Variants in MGMT observed in about 807,000 individuals in gnomAD.
MGMT encodes methylated-DNA--protein-cysteine methyltransferase.
A neutral mutation model predicts 15.9 loss-of-function variants in MGMT; 14 were observed. That is an observed-to-expected ratio of 0.88 (90% CI 0.58 to 1.37). MGMT has a LOEUF of 1.37. MGMT is among the 40% of genes most tolerant of loss of function. The pLI is 0.00. For missense variants in MGMT, 282 were observed against 268.1 expected (o/e 1.05, Z -0.36); for synonymous variants, 130 against 118.2 (o/e 1.10, Z -0.65).
rs1847566016 is a variant in MGMT, at chr10:129,659,122, C to T, written c.126-48773C>T. ...CTGTAATCCCAACACTTTGGGAGGC[C>T]GAGGCAGGTGGATTACCTAAGGTCA... On this transcript the variant is annotated intron_variant, in intron 2 of 4. Transcript: ENST00000651593. This position sits in a 1 kb window ranked among gnomAD's most constrained non-coding sequence, Gnocchi z 4.1. Among the ~76,000 whole-genome samples the T allele has an allele frequency of 6.6e-6, 1 of 152,076 alleles. No homozygotes were observed. The highest frequency in any genetic ancestry group is 2.4e-5 in the African/African-American group (1 of 41,388).
chr10:129,503,191 G>C (rs945393390), intron 1 of MGMT, among the ~76,000 whole-genome samples: 1 of 151,894 alleles, frequency 6.6e-6, no homozygotes, highest in Non-Finnish European at 1.5e-5. Flanking sequence ...GGATGATGCA[G>C]GAAAGTTTCT....
chr10:129,608,563 C>T (rs998072564), intron 2 of MGMT, among the ~76,000 whole-genome samples: 4 of 152,192 alleles, frequency 2.6e-5, no homozygotes, highest in Admixed American at 6.5e-5. Context: ...TTTTATCTTA[C>T]GCTTAAAAAG....
intron 2 of MGMT, among the ~76,000 whole-genome samples, chr10:129,571,502 A>G (rs1846419303): frequency 6.6e-6 from 1 of 152,188 alleles, no homozygotes; most frequent in African/African-American, 2.4e-5. Context: ...TTCCTGTAGT[A>G]CATAAGACGG....
intron 2 of MGMT, among the ~76,000 whole-genome samples, chr10:129,573,509 AT>A (rs899202692): frequency 2.9e-4 from 43 of 148,756 alleles, no homozygotes; most frequent in East Asian, 2.4e-3. Context: ...TAACCTTAAG[AT>A]TTTTTTTTTG....
At chr10:129,703,260 A>C (rs1848120234) in intron 2 of MGMT, among the ~76,000 whole-genome samples, 1 of 152,234 alleles carries the variant, frequency 6.6e-6, no homozygotes, top group Admixed American at 6.5e-5. Flanking sequence ...TACTACTATA[A>C]AAATTCTTCA....
chr10:129,564,783 G>A (rs118129217), intron 2 of MGMT, among the ~76,000 whole-genome samples: 5,312 of 146,688 alleles, frequency 0.036, 143 homozygotes, highest in South Asian at 0.071. Context: ...TTCCTCACAC[G>A]CCCCCCTCAG....
chr10:129,582,519 T>C (rs903713602), intron 2 of MGMT, among the ~76,000 whole-genome samples: 4 of 152,236 alleles, frequency 2.6e-5, no homozygotes, highest in Non-Finnish European at 4.4e-5. Flanking sequence ...CTTCCCGATA[T>C]TTAGATTTTA....
At chr10:129,525,605 A>G (rs1342438995) in intron 1 of MGMT, among the ~76,000 whole-genome samples, 2 of 152,112 alleles carry the variant, frequency 1.3e-5, no homozygotes, top group Non-Finnish European at 2.9e-5. Context: ...AGCATCATTA[A>G]TCAGAAAGGT....
At chr10:129,598,369 G>A (rs1846777467) in intron 2 of MGMT, among the ~76,000 whole-genome samples, 1 of 152,136 alleles carries the variant, frequency 6.6e-6, no homozygotes, top group African/African-American at 2.4e-5. Flanking sequence ...GGATGATAGT[G>A]CCAATCTCTT....
chr10:129,764,957 G>A (rs1404136395), intron 4 of MGMT, among the ~76,000 whole-genome samples: 1 of 152,146 alleles, frequency 6.6e-6, no homozygotes, highest in Non-Finnish European at 1.5e-5. Context: ...GTAAGCGATC[G>A]TTAGGCATCT....
intron 2 of MGMT, among the ~76,000 whole-genome samples, chr10:129,576,749 CCT>C (rs1243322014): frequency 6.6e-6 from 1 of 152,150 alleles, no homozygotes; most frequent in African/African-American, 2.4e-5. Flanking sequence ...TCAAATTGTC[CCT>C]GTTTGCAGAT....
At chr10:129,646,776 C>T in intron 2 of MGMT, among the ~76,000 whole-genome samples, 2 of 101,534 alleles carry the variant, frequency 2.0e-5, no homozygotes, top group African/African-American at 3.6e-5. Flanking sequence ...TGGTAGAGAA[C>T]AGTGGAGAAG....
intron 2 of MGMT, among the ~76,000 whole-genome samples, chr10:129,657,703 A>ACGCACG (rs1554874799): frequency 4.0e-5 from 5 of 124,512 alleles, no homozygotes; most frequent in Admixed American, 1.5e-4. Flanking sequence ...ACACACACAC[A>ACGCACG]CACGCACACA....
intron 1 of MGMT, among the ~76,000 whole-genome samples, chr10:129,473,507 A>G (rs1226632226): frequency 2.0e-5 from 3 of 152,208 alleles, no homozygotes; most frequent in Non-Finnish European, 4.4e-5. Flanking sequence ...TGACTTGCAC[A>G]GGTCTCCTGG....
chr10:129,503,553 T>C (rs938073367), intron 1 of MGMT, among the ~76,000 whole-genome samples: 2 of 152,258 alleles, frequency 1.3e-5, no homozygotes, highest in Non-Finnish European at 2.9e-5. Context: ...GTTATTGCTT[T>C]AATGTGATAC....
chr10:129,515,018 C>A (rs1387766543), intron 1 of MGMT, among the ~76,000 whole-genome samples: 1 of 152,230 alleles, frequency 6.6e-6, no homozygotes, highest in Non-Finnish European at 1.5e-5. Context: ...GGACTCTAAC[C>A]AGTACCCAGC....
At chr10:129,651,743 T>C (rs1847460858) in intron 2 of MGMT, among the ~76,000 whole-genome samples, 1 of 152,138 alleles carries the variant, frequency 6.6e-6, no homozygotes, top group Non-Finnish European at 1.5e-5. Context: ...TCGTATTTGG[T>C]TTGATTAAAG....
chr10:129,669,584 TA>T (rs111426172), intron 2 of MGMT, among the ~76,000 whole-genome samples: 20,873 of 152,168 alleles, frequency 0.14, 1,718 homozygotes, highest in African/African-American at 0.21. Flanking sequence ...CACTGCAGAT[TA>T]ATAATTTCCA....
At chr10:129,720,797 T>C (rs1437878017) in intron 3 of MGMT, among the ~76,000 whole-genome samples, 1 of 152,212 alleles carries the variant, frequency 6.6e-6, no homozygotes, top group African/African-American at 2.4e-5. Flanking sequence ...TTTCAGAGTT[T>C]TGTTTAATGT....
Sources: gnomAD v4.1 joint callset for allele counts (sites outside exome capture counted in the v4.1 genomes callset) on GRCh38, gnomAD v4.1.1 for gene constraint, Gnocchi (gnomAD v3.1) non-coding constraint, MANE v1.5 for transcripts, NCBI Gene and HGNC (gene_info 2026-07-23, HGNC 2026-07-21) for gene names.